Variants in VEGFA observed in about 807,000 individuals in gnomAD.
The protein encoded by VEGFA is vascular endothelial growth factor A.
VEGFA carries 20 observed loss-of-function variants against 49.7 expected under a neutral mutation model. The ratio of observed to expected loss-of-function variants is 0.40; its 90% confidence interval spans 0.28 to 0.58. The LOEUF (loss-of-function observed/expected upper bound fraction) is 0.58. Among genes scored for constraint, VEGFA ranks in the 20% least tolerant of loss-of-function variants. The probability of loss-of-function intolerance (pLI) is 0.40; values close to 1 mark genes in which losing one functional copy is unlikely to be tolerated. For missense variants in VEGFA, 505 were observed against 553.5 expected (o/e 0.91, Z 0.88); for synonymous variants, 219 against 223.4 (o/e 0.98, Z 0.18).
intron 5 of VEGFA, 147 bp downstream of exon 5, chr6:43,779,065 G>A: frequency 9.9e-7 from 1 of 1,008,842 alleles, no homozygotes; most frequent in Non-Finnish European, 1.6e-6. Context: ...AGCAACAATG[G>A]GATGGAGCCA....
intron 5 of VEGFA, 94 bp from the exon 6 acceptor site, chr6:43,780,637 CT>C: frequency 1.3e-6 from 2 of 1,557,582 alleles, no homozygotes; most frequent in South Asian, 2.3e-5. Context: ...TGTGGCTTTG[CT>C]TTGGTCGTTC....
chr6:43,771,169 G>A lies in VEGFA; in HGVS notation c.463G>A (p.Glu155Lys), dbSNP rs774898653. Residue 155 changes from glutamate (E) to lysine (K), a missense_variant, in exon 1 of 8, where the codon GAG becomes AAG. Glu to Lys is a moderately conservative substitution (Grantham distance 56). Coordinates refer to ENST00000672860, the MANE Select transcript of VEGFA (RefSeq NM_003376.6). The stretch of plus-strand genomic sequence containing the variant: ...AGGAAGAGTAGCTCGCCGAGGCGCC[G>A]AGGAGAGCGGGCCGCCCCACAGCCC... 1.3e-6 allele frequency: 2 copies of A among 1,574,218 alleles called. No individual in the cohort carries two copies. Among genetic ancestry groups the A allele is most frequent in the East Asian group, 4.7e-5 (2 of 42,166 alleles).
At chr6:43,779,018 G>T in intron 5 of VEGFA, 100 bp downstream of exon 5, 3 of 1,497,100 alleles carry the variant, frequency 2.0e-6, no homozygotes, top group Non-Finnish European at 2.8e-6. Context: ...AGCCTCCCTG[G>T]GTCAGGGACT....
chr6:43,782,400 C>T, intron 7 of VEGFA: 1 of 402,008 alleles, frequency 2.5e-6, no homozygotes, highest in East Asian at 5.8e-5. Context: ...GGTCCTTCTG[C>T]TCATAGTGGC....
intron 1 of VEGFA, 74 bp from the exon 2 acceptor site, chr6:43,774,267 G>A (rs1328104763): frequency 2.0e-6 from 3 of 1,495,456 alleles, no homozygotes; most frequent in Non-Finnish European, 2.8e-6. Flanking sequence ...GAGGAGGGAG[G>A]AGGGGCTGGG....
intron 7 of VEGFA, 86 bp downstream of exon 7, chr6:43,782,173 C>T (rs952659982): frequency 1.1e-5 from 18 of 1,568,434 alleles, no homozygotes; most frequent in East Asian, 4.6e-5. Context: ...AGCGAGCGAG[C>T]GAGCGGGAGA....
In VEGFA at chr6:43,784,894, A is replaced by G. The variant is rs902787596; in HGVS notation, c.*332A>G. 1 of 491,076 alleles carries G rather than the reference A, an allele frequency of 2.0e-6. No homozygotes were observed. The highest frequency in any genetic ancestry group is 1.9e-5 in the African/African-American group (1 of 51,580). 30.4% of individuals were successfully genotyped at this position (491,076 alleles called of 1,614,324 possible). A position where few individuals can be genotyped will look rare whatever the true frequency, so the allele number is the denominator to read the frequency against. On this transcript the variant is annotated 3_prime_UTR_variant, in exon 8 of 8. Coordinates refer to ENST00000672860, the MANE Select transcript of VEGFA (RefSeq NM_003376.6). ...AGAGTTTTATTTCTGGGATTCCTGT[A>G]GACACACCCACCCACATACATACAT...
intron 1 of VEGFA, chr6:43,772,005 C>A: frequency 7.1e-6 from 7 of 985,284 alleles, no homozygotes; most frequent in Non-Finnish European, 7.2e-6. Context: ...TGGCCGGCCG[C>A]GTGTTCCCGG....
chr6:43,780,865 C>T (rs367968828), intron 6 of VEGFA, 62 bp downstream of exon 6: 42 of 1,613,188 alleles, frequency 2.6e-5, no homozygotes, highest in South Asian at 8.8e-5. Context: ...GTACAACCTC[C>T]GCCTGCCATT....
chr6:43,771,898 CA>C (rs1763714747), intron 1 of VEGFA: 1 of 488,680 alleles, frequency 2.0e-6, no homozygotes. Context: ...TGCGCCGCGC[CA>C]ACCCCGCCCG....
At chr6:43,772,185 A>G in intron 1 of VEGFA, 1 of 557,762 alleles carries the variant, frequency 1.8e-6, no homozygotes, top group Non-Finnish European at 2.3e-6. Flanking sequence ...TGCTAGGAGG[A>G]ATTTCCTGAC....
intron 2 of VEGFA, 143 bp downstream of exon 2, chr6:43,774,535 C>T (rs1764665334): frequency 2.0e-6 from 2 of 977,040 alleles, no homozygotes; most frequent in Non-Finnish European, 3.2e-6. Context: ...AGCTGGGCAC[C>T]ACGAGGTTCA....
rs559997751 is a variant in VEGFA, at chr6:43,779,074, C to T, written c.962+156C>T. The T allele has an allele frequency of 4.4e-5, 41 of 931,366 alleles. 1 individual carries two copies. The East Asian group carries it at 9.7e-4, about 22-fold the overall frequency. The allele number at this position is 931,366 out of a possible 1,614,324, so 57.7% of individuals were successfully genotyped here. A position where few individuals can be genotyped will look rare whatever the true frequency, so the allele number is the denominator to read the frequency against. On this transcript the variant is annotated intron_variant, in intron 5 of 7. Transcript: ENST00000672860. ...GGTGGCAGCAACAATGGGATGGAGCCAACTCCAGGATGATGGCTCTAGGGC... is the reference window on the plus strand; with the variant it reads ...GGTGGCAGCAACAATGGGATGGAGCTAACTCCAGGATGATGGCTCTAGGGC...
At chr6:43,780,985 G>A (rs1314848514) in intron 6 of VEGFA, 182 bp downstream of exon 6, 1 of 1,479,698 alleles carries the variant, frequency 6.8e-7, no homozygotes, top group African/African-American at 1.4e-5. Context: ...GGTAGATTTG[G>A]TGGTGGCATT....
intron 6 of VEGFA, 106 bp from the exon 7 acceptor site, chr6:43,781,850 G>GT: frequency 6.8e-7 from 1 of 1,474,882 alleles, no homozygotes; most frequent in Non-Finnish European, 9.3e-7. Flanking sequence ...GACCGGCTGG[G>GT]TGGGGGTGCA....
In VEGFA at chr6:43,781,987, C is replaced by A; in HGVS notation, c.1066C>A (p.His356Asn). The A allele has an allele frequency of 6.2e-7, 1 of 1,614,066 alleles. No individual in the cohort carries two copies. The highest frequency in any genetic ancestry group is 1.3e-5 in the African/African-American group (1 of 75,038). Residue 356 changes from histidine (H) to asparagine (N), a missense_variant, in exon 7 of 8, where the codon CAT becomes AAT. Physicochemically the swap from His to Asn is moderately conservative, Grantham distance 68. Around this residue, in one of 2 missense-constraint regions of VEGFA, gnomAD observed 165 missense variants for 231.7 expected, o/e 0.71. Coordinates refer to ENST00000672860, the MANE Select transcript of VEGFA (RefSeq NM_003376.6). ...TGGGCCTTGCTCAGAGCGGAGAAAG[C>A]ATTTGTTTGTACAAGATCCGCAGAC...
At chr6:43,778,608 T>G in intron 4 of VEGFA, 72 bp downstream of exon 4, 1 of 1,506,582 alleles carries the variant, frequency 6.6e-7, no homozygotes, top group African/African-American at 1.4e-5. Context: ...GGGTTAAGCA[T>G]GCTGTACTTT....
chr6:43,780,620 G>A (rs3025017), intron 5 of VEGFA, 112 bp from the exon 6 acceptor site: 101,098 of 1,484,314 alleles, frequency 0.068, 3,886 homozygotes, highest in South Asian at 0.082. Flanking sequence ...TCCGGGAAGC[G>A]GCCCTGTGTG....
chr6:43,774,303 CTGCCCA>C lies in VEGFA; in HGVS notation c.607-27_607-22del, dbSNP rs776396589. ...TGGCTGGGCCTGTGCACCCCAGCCC[CTGCCCA>C]TGCCCATGCCTTGCTCTCTTTCTGT... On this transcript the variant is annotated intron_variant, in intron 1 of 7. Coordinates refer to ENST00000672860, the MANE Select transcript of VEGFA (RefSeq NM_003376.6). 7 of 1,612,434 alleles carry C rather than the reference CTGCCCA, an allele frequency of 4.3e-6. No homozygotes were observed. The African/African-American group carries it at 8.0e-5, about 18-fold the overall frequency.
Sources: allele counts gnomAD v4.1 joint callset, GRCh38; gene constraint gnomAD v4.1.1; regional missense constraint gnomAD v4.1.1; transcripts MANE v1.5; gene names NCBI Gene and HGNC (gene_info 2026-07-23, HGNC 2026-07-21).